The following GALNT7 variants were observed in gnomAD, a reference collection of about 807,000 sequenced individuals.
GALNT7 encodes the protein polypeptide N-acetylgalactosaminyltransferase 7, also known as N-acetylgalactosaminyltransferase 7.
GALNT7 carries 60 observed loss-of-function variants against 82.1 expected under a neutral mutation model. The ratio of observed to expected loss-of-function variants is 0.73; its 90% CI spans 0.59 to 0.91. The LOEUF (loss-of-function observed/expected upper bound fraction) is 0.91. Ranked by LOEUF, GALNT7 falls within the 40% of genes least tolerant of loss-of-function variation. The pLI is 0.00. For synonymous variants in GALNT7, 243 were observed against 275.1 expected (o/e 0.88, Z 1.15); for missense variants, 660 against 804.2 (o/e 0.82, Z 2.17).
At chr4:173,170,113 C>A (rs1157736873) in intron 1 of GALNT7, among the ~76,000 whole-genome samples, 1 of 152,140 alleles carries the variant, frequency 6.6e-6, no homozygotes, top group South Asian at 2.1e-4. Context: ...ACCGGCCTCG[C>A]CCCCGACCCT....
chr4:173,296,334 A>G (rs771218969), intron 5 of GALNT7, among the ~76,000 whole-genome samples: 2 of 152,174 alleles, frequency 1.3e-5, no homozygotes, highest in African/African-American at 2.4e-5. Context: ...TGTGACAATC[A>G]CCATTAAATT....
At chr4:173,239,985 C>G (rs1382106492) in intron 1 of GALNT7, among the ~76,000 whole-genome samples, 1 of 152,062 alleles carries the variant, frequency 6.6e-6, no homozygotes, top group African/African-American at 2.4e-5. Flanking sequence ...AATATCACTG[C>G]CAAAACCACT....
At chr4:173,288,197 G>C in intron 2 of GALNT7, among the ~76,000 whole-genome samples, 1 of 148,072 alleles carries the variant, frequency 6.8e-6, no homozygotes. Flanking sequence ...GCAGGAGAAT[G>C]GCGTGAACCC....
intron 1 of GALNT7, among the ~76,000 whole-genome samples, chr4:173,209,901 G>A (rs1225894623): frequency 2.0e-5 from 3 of 152,194 alleles, no homozygotes; most frequent in East Asian, 1.9e-4. Context: ...TTGGGAGGCC[G>A]AGGCAGGTGG....
intron 1 of GALNT7, among the ~76,000 whole-genome samples, chr4:173,210,574 C>T (rs776353835): frequency 6.6e-6 from 1 of 152,132 alleles, no homozygotes; most frequent in Non-Finnish European, 1.5e-5. Flanking sequence ...CTGCCTCGGC[C>T]TCCCAAGCAG....
chr4:173,175,116 G>C lies in GALNT7; in HGVS notation c.126+6155G>C, dbSNP rs116499981. ...GAGTAGCTATTGAATGAAGGAAAAT[G>C]ACTGTGATTATTCAGCTCCTAACTA... is the stretch of plus-strand genomic sequence containing the variant. On this transcript the variant is annotated intron_variant, in intron 1 of 11. Transcript: ENST00000265000. 7.6e-3 allele frequency among the ~76,000 whole-genome samples: 1,164 copies of C among 152,282 alleles called. 19 individuals are homozygous for C. Among genetic ancestry groups the C allele is most frequent in the African/African-American group, 0.026 (1,082 of 41,544 alleles).
intron 1 of GALNT7, among the ~76,000 whole-genome samples, chr4:173,210,809 A>G (rs565100967): frequency 3.0e-4 from 46 of 152,376 alleles, no homozygotes; most frequent in African/African-American, 1.1e-3. Context: ...AAAATGTTAA[A>G]TATTAAATAT....
chr4:173,231,236 T>C (rs1734023555), intron 1 of GALNT7, among the ~76,000 whole-genome samples: 2 of 152,204 alleles, frequency 1.3e-5, no homozygotes, highest in African/African-American at 4.8e-5. Flanking sequence ...GCAGATCTCA[T>C]TGTGCAGTGT....
intron 2 of GALNT7, among the ~76,000 whole-genome samples, chr4:173,275,349 C>T (rs574925928): frequency 3.9e-5 from 6 of 152,262 alleles, no homozygotes; most frequent in African/African-American, 1.4e-4. Context: ...CACTGGCAGC[C>T]GAGCTCTGAG....
At chr4:173,206,764 G>A (rs1446090415) in intron 1 of GALNT7, among the ~76,000 whole-genome samples, 3 of 152,214 alleles carry the variant, frequency 2.0e-5, no homozygotes, top group Non-Finnish European at 4.4e-5. Context: ...GCTGGGGAAG[G>A]TTGGGGAGGG....
intron 8 of GALNT7, among the ~76,000 whole-genome samples, chr4:173,309,883 CA>C (rs57829263): frequency 0.033 from 5,094 of 152,146 alleles, 282 homozygotes; most frequent in African/African-American, 0.11. Context: ...GAGTTGGACT[CA>C]ACAATCACGA....
At chr4:173,178,633 G>A (rs1455253551) in intron 1 of GALNT7, among the ~76,000 whole-genome samples, 4 of 152,172 alleles carry the variant, frequency 2.6e-5, no homozygotes, top group South Asian at 2.1e-4. Context: ...TAAACATGCC[G>A]ACAGGGAGAC....
chr4:173,192,853 G>A (rs967575170), intron 1 of GALNT7, among the ~76,000 whole-genome samples: 2 of 152,206 alleles, frequency 1.3e-5, no homozygotes, highest in African/African-American at 4.8e-5. Flanking sequence ...CATGGACATA[G>A]CTGATGGGAC....
Position 173,193,222 on chromosome 4 carries a change from A to T in GALNT7, c.126+24261A>T, listed in dbSNP as rs560511946. ...TGTTCTTCCTGCTGATTAGGTTGTGATATAGGCCTGAATCCTTATAACAAA... is the reference window on the plus strand; with the variant it reads ...TGTTCTTCCTGCTGATTAGGTTGTGTTATAGGCCTGAATCCTTATAACAAA... On this transcript the variant is annotated intron_variant, in intron 1 of 11. Coordinates refer to ENST00000265000, the MANE Select transcript of GALNT7 (RefSeq NM_017423.3). Among the ~76,000 whole-genome samples the T allele has an allele frequency of 5.3e-5, 8 of 152,302 alleles. No homozygotes were observed. The South Asian group carries it at 1.7e-3, about 32-fold the overall frequency.
At chr4:173,284,159 T>C (rs1192733576) in intron 2 of GALNT7, among the ~76,000 whole-genome samples, 1 of 152,234 alleles carries the variant, frequency 6.6e-6, no homozygotes, top group East Asian at 1.9e-4. Context: ...ACATTTCAGC[T>C]TTTCATGAGT....
chr4:173,240,357 ATTTTTTTTTTTTTTTT>A (rs869162691), intron 1 of GALNT7, among the ~76,000 whole-genome samples: 21 of 104,150 alleles, frequency 2.0e-4, no homozygotes, highest in African/African-American at 8.1e-4. Context: ...ACACTGGCTA[ATTTTTTTTTTTTTTTT>A]TTTTTTTTTT....
At chr4:173,172,382 T>C (rs912965580) in intron 1 of GALNT7, among the ~76,000 whole-genome samples, 5 of 152,304 alleles carry the variant, frequency 3.3e-5, no homozygotes, top group Admixed American at 2.0e-4. Flanking sequence ...GGGCATATAC[T>C]AGTTAAAAGC....
intron 9 of GALNT7, 80 bp from the exon 10 acceptor site, chr4:173,317,554 T>G: frequency 7.1e-5 from 62 of 874,072 alleles, no homozygotes; most frequent in Middle Eastern, 4.4e-4. Context: ...ATATTTAACA[T>G]GAAATGTTAA....
rs1736333259 is a variant in GALNT7 at position 173,286,634 on chromosome 4, TG to T, written c.588-5469del. On this transcript the variant is annotated intron_variant, in intron 2 of 11. Transcript: ENST00000265000. ...CTGAATGCTTTTCCTTTGGGAAGAC[TG>T]GGGGTTGATGCTTTAAGTAAGGCTT... Among the ~76,000 whole-genome samples the T allele has an allele frequency of 2.6e-5, 4 of 152,330 alleles. No homozygotes were observed. The South Asian group carries it at 8.3e-4, about 32-fold the overall frequency.
Sources: allele counts gnomAD v4.1 joint callset (sites outside exome capture counted in the v4.1 genomes callset), GRCh38; gene constraint gnomAD v4.1.1; transcripts MANE v1.5; gene names NCBI Gene and HGNC (gene_info 2026-07-23, HGNC 2026-07-21).